PMEL: variants seen among roughly 807,000 people sequenced by gnomAD.
PMEL encodes the protein melanocyte protein PMEL.
In PMEL, 53 loss-of-function variants were observed where a neutral mutation model predicts 64.9. The observed-to-expected ratio is 0.82, with a 90% CI of 0.66 to 1.03. The LOEUF (loss-of-function observed/expected upper bound fraction) is 1.03, where lower values mean the gene tolerates loss of function less well. Among genes scored for constraint, PMEL ranks in the 50% least tolerant of loss-of-function variants. PMEL has a pLI of 0.00. For missense variants in PMEL, 716 were observed against 814.9 expected (o/e 0.88, Z 1.48); for synonymous variants, 299 against 316.2 (o/e 0.95, Z 0.58).
At position 55,954,231 on chromosome 12, in the gene PMEL, TGAG is replaced by T. The variant is rs1888727739; in HGVS notation, c.1966_1968del (p.Leu656del). 1 of 1,611,794 alleles carries T rather than the reference TGAG, an allele frequency of 6.2e-7. No individual in the cohort carries two copies. Among genetic ancestry groups the T allele is most frequent in the African/African-American group, 1.3e-5 (1 of 74,820 alleles). On this transcript the variant is annotated inframe_deletion, in exon 11 of 11. Transcript: ENST00000548747. ...GAGAGTACTCAGACCTGCTGCCCAC[TGAG>T]GAGGGGGCTGTTCTCACCAATGGGA... is the stretch of plus-strand genomic sequence containing the variant.
rs1373200003 is a variant in PMEL, at chr12:55,956,471, A to G, written c.1355-252T>C. On this transcript the variant is annotated intron_variant, in intron 6 of 10. Coordinates refer to ENST00000548747, the MANE Select transcript of PMEL (RefSeq NM_001384361.1). The stretch of plus-strand genomic sequence containing the variant: ...TAAAAAATCCTCAAATGTTTATCAC[A>G]CCCCACACTATGTCAGGTCCTAGGC... 3 of 443,428 alleles carry G rather than the reference A, an allele frequency of 6.8e-6. No individual in the cohort carries two copies. In the Admixed American group the frequency reaches 1.1e-4, roughly 17 times the overall value. The allele number at this position is 443,428 out of a possible 1,614,324, so 27.5% of individuals were successfully genotyped here. A position where few individuals can be genotyped will look rare whatever the true frequency, so the allele number is the denominator to read the frequency against.
chr12:55,958,648 C>A, intron 3 of PMEL, 41 bp from the exon 4 acceptor site: 1 of 1,595,858 alleles, frequency 6.3e-7, no homozygotes. Flanking sequence ...CCCTGGCATT[C>A]TTTTTTGTAT....
chr12:55,962,714 T>C (rs1275390178), intron 1 of PMEL, among the ~76,000 whole-genome samples: 2 of 151,220 alleles, frequency 1.3e-5, no homozygotes, highest in East Asian at 4.1e-4. Flanking sequence ...AGTTTCGCCA[T>C]GTTTCATGGT....
Position 55,957,046 on chromosome 12 carries a change from T to G in PMEL, c.1257A>C (p.Thr419=). Residue 419 remains threonine, a synonymous_variant, in exon 6 of 11, where the codon ACA becomes ACC. Transcript: ENST00000548747. ...CTGTGGTCTCCACCCACTCTGTAGT[T>G]GTTACCTGTGCAGCTGTGGTTCCAG... ...VLSGTTAAQV[T]TTEWVETTAR... 1 of 1,614,044 alleles carries G rather than the reference T, an allele frequency of 6.2e-7. No individual in the cohort carries two copies. Among genetic ancestry groups the G allele is most frequent in the Non-Finnish European group, 8.5e-7 (1 of 1,180,022 alleles).
rs766648477 is a variant in PMEL, at chr12:55,955,481, G to A, written c.1745C>T (p.Thr582Ile). The change falls in exon 9 of 11, where the codon ACC (threonine) becomes ATC (isoleucine). Residue 582 changes from threonine to isoleucine, a missense_variant. By Grantham distance (89) the Thr-to-Ile change is moderately conservative (BLOSUM62 -1). Transcript: ENST00000548747. ...ADTNSLAVVS[T>I]QLIMPGQEAG... The stretch of plus-strand genomic sequence containing the variant: ...GGACCTACCAGGCATGATAAGCTGG[G>A]TGCTGACCACTGCCAGGCTGTTGGT... 2.5e-6 allele frequency: 4 copies of A among 1,613,970 alleles called. No homozygotes were observed. Among genetic ancestry groups the A allele is most frequent in the Non-Finnish European group, 3.4e-6 (4 of 1,180,004 alleles).
Position 55,955,337 on chromosome 12 carries a change from A to G in PMEL, c.1787T>C (p.Val596Ala), listed in dbSNP as rs57990974. ...CAGCAAGATGCCCACGATCAGCGGA[A>G]CCTGCCCAAGGCCTGCTTCTTGACC... ...MPGQEAGLGQ[V>A]PLIVGILLVL... The change falls in exon 10 of 11, where the codon GTT becomes GCT. Residue 596 changes from valine to alanine, a missense_variant. Val to Ala is a moderately conservative substitution (Grantham distance 64). Transcript: ENST00000548747. 6,874 of 1,614,158 alleles carry G rather than the reference A, an allele frequency of 4.3e-3. 264 individuals are homozygous for G. In the African/African-American group the frequency reaches 0.081, roughly 19 times the overall value.
intron 3 of PMEL, among the ~76,000 whole-genome samples, chr12:55,960,643 C>T (rs1436552921): frequency 1.4e-5 from 2 of 145,926 alleles, no homozygotes; most frequent in African/African-American, 2.5e-5. Flanking sequence ...CCTGGGTTCA[C>T]GCCATTCTCC....
chr12:55,956,277 G>A (rs1416443915), intron 6 of PMEL, 58 bp from the exon 7 acceptor site: 3 of 1,116,184 alleles, frequency 2.7e-6, no homozygotes, highest in African/African-American at 3.1e-5. Flanking sequence ...TCTGGAGGCA[G>A]AGGCCAAGCA....
intron 1 of PMEL, 85 bp downstream of exon 1, chr12:55,965,851 A>C: frequency 2.0e-6 from 3 of 1,508,406 alleles, no homozygotes; most frequent in Non-Finnish European, 2.8e-6. Context: ...TATTGCCGCT[A>C]TCTCCCATTA....
At position 55,955,799 on chromosome 12, in the gene PMEL, C is replaced by T. The variant is rs773140195; in HGVS notation, c.1536G>A (p.Leu512=). Residue 512 remains leucine (L), a synonymous_variant, in exon 8 of 11, where the codon CTG becomes CTA. Transcript: ENST00000548747. ...CTCACCCGCCTTGGCAGGACACAGTCAGCTCAAATGCATCCCCCTCACCGG... is the reference window on the plus strand; with the variant it reads ...CTCACCCGCCTTGGCAGGACACAGTTAGCTCAAATGCATCCCCCTCACCGG... ...VPSGEGDAFE[L]TVSCQGGLPK... The T allele has an allele frequency of 5.0e-6, 8 of 1,614,052 alleles. No individual in the cohort carries two copies. The highest frequency in any genetic ancestry group is 1.1e-5 in the South Asian group (1 of 91,070).
In PMEL at chr12:55,955,263, G is replaced by A. The variant is rs1023104840; in HGVS notation, c.1850+11C>T. 1.3e-6 allele frequency: 2 copies of A among 1,575,698 alleles called. No individual in the cohort carries two copies. Among genetic ancestry groups the A allele is most frequent in the African/African-American group, 2.8e-5 (2 of 71,784 alleles). On this transcript the variant is annotated intron_variant, in intron 10 of 10. Coordinates refer to ENST00000548747, the MANE Select transcript of PMEL (RefSeq NM_001384361.1). ...GATAAGGGGGTCTGAGCTGTGTGAT[G>A]AGGCCCTTACCTATATATCAGAGAT...
intron 1 of PMEL, 138 bp from the exon 2 acceptor site, chr12:55,961,870 C>T (rs1889116140): frequency 1.7e-6 from 1 of 593,582 alleles, no homozygotes; most frequent in Non-Finnish European, 2.9e-6. Context: ...GAGTTTCGCT[C>T]TTGTTGCCCA....
chr12:55,962,516 CTTTTT>C (rs1161956723), intron 1 of PMEL, among the ~76,000 whole-genome samples: 2 of 73,166 alleles, frequency 2.7e-5, no homozygotes, highest in East Asian at 8.9e-4. Context: ...TATTATTACT[CTTTTT>C]TTTTTTTTTT....
At position 55,956,997 on chromosome 12, in the gene PMEL, G is replaced by C. The variant is rs1406597468; in HGVS notation, c.1306C>G (p.Pro436Ala). Residue 436 changes from proline (P) to alanine (A), a missense_variant, in exon 6 of 11, where the codon CCT becomes GCT. By Grantham distance (27) the Pro-to-Ala change is conservative (BLOSUM62 -1). Transcript: ENST00000548747. ...ATTGAGCTGGCATCTGGACCTTCAG[G>C]CTCAGGGATAGGTAGCTCTCTAGCT... ...TTARELPIPE[P>A]EGPDASSIMS... The C allele has an allele frequency of 6.2e-7, 1 of 1,614,058 alleles. No homozygotes were observed. Among genetic ancestry groups the C allele is most frequent in the Non-Finnish European group, 8.5e-7 (1 of 1,180,022 alleles).
At chr12:55,965,038 C>T (rs577260800) in intron 1 of PMEL, among the ~76,000 whole-genome samples, 1 of 151,592 alleles carries the variant, frequency 6.6e-6, no homozygotes, top group Admixed American at 6.6e-5. Context: ...AGTGATTCTC[C>T]AGCCTCAGCC....
chr12:55,964,062 C>T (rs1338069251), intron 1 of PMEL, among the ~76,000 whole-genome samples: 1 of 152,076 alleles, frequency 6.6e-6, no homozygotes, highest in Non-Finnish European at 1.5e-5. Flanking sequence ...TCACTCACTG[C>T]AGCCTCAAAC....
In PMEL at chr12:55,958,499, C is replaced by T. The variant is rs1292270531; in HGVS notation, c.443G>A (p.Ser148Asn). The T allele has an allele frequency of 6.2e-7, 1 of 1,614,120 alleles. No individual in the cohort carries two copies. The highest frequency in any genetic ancestry group is 8.5e-7 in the Non-Finnish European group (1 of 1,179,998). Residue 148 changes from serine (S) to asparagine (N), a missense_variant, in exon 4 of 11, where the codon AGC becomes AAC. Transcript: ENST00000548747. ...CPSGSWSQKR[S>N]FVYVWKTWGQ... is the part of the protein sequence containing the mutation. ...CCAGGTCTTCCAGACATAAACAAAG[C>T]TTCTCTTCTGAGACCAAGAGCCAGA...
chr12:55,965,254 C>A (rs1565778705), intron 1 of PMEL, among the ~76,000 whole-genome samples: 1 of 152,122 alleles, frequency 6.6e-6, no homozygotes, highest in Non-Finnish European at 1.5e-5. Context: ...TGTGCTGTAA[C>A]CCTAGTTGAT....
At position 55,956,876 on chromosome 12, in the gene PMEL, G is replaced by A. The variant is rs1392727733; in HGVS notation, c.1354+73C>T. 2.7e-6 allele frequency: 4 copies of A among 1,507,538 alleles called. No individual in the cohort carries two copies. In the African/African-American group the frequency reaches 5.5e-5, roughly 21 times the overall value. 93.4% of individuals were successfully genotyped at this position (1,507,538 alleles called of 1,614,324 possible). The stretch of plus-strand genomic sequence containing the variant: ...AAGCAAAGGATTGGGTAACATCTGA[G>A]TCCTGGGTAAGACTTACAGAGTAGA... On this transcript the variant is annotated intron_variant, in intron 6 of 10. Transcript: ENST00000548747.
Sources: gnomAD v4.1 joint callset for allele counts (sites outside exome capture counted in the v4.1 genomes callset) on GRCh38, gnomAD v4.1.1 for gene constraint, MANE v1.5 for transcripts, NCBI Gene and HGNC (gene_info 2026-07-23, HGNC 2026-07-21) for gene names.